The following CSNK1G2 variants were observed in gnomAD, a reference collection of about 807,000 sequenced individuals.
CSNK1G2 encodes the protein casein kinase 1 gamma 2, also known as casein kinase I isoform gamma-2.
In CSNK1G2, 11 loss-of-function variants were observed where a neutral mutation model predicts 48.0. The observed-to-expected ratio is 0.23, with a 90% CI of 0.14 to 0.38. The LOEUF is 0.38. CSNK1G2 is among the 10% of genes least tolerant of loss of function. CSNK1G2 has a pLI of 1.00. For missense variants in CSNK1G2, 446 were observed against 595.5 expected (o/e 0.75, Z 2.61); for synonymous variants, 337 against 254.1 (o/e 1.33, Z -3.10).
Position 1,953,802 on chromosome 19 carries a change from C to T in CSNK1G2, c.-266+12384C>T, listed in dbSNP as rs773406416. The stretch of plus-strand genomic sequence containing the variant: ...CCCCGCATCAGGGTCCGGTCCTGGC[C>T]GCTGTACCGCGATCACCTGTGGCCC... On this transcript the variant is annotated intron_variant, in intron 1 of 11. Coordinates refer to ENST00000255641, the MANE Select transcript of CSNK1G2 (RefSeq NM_001319.7). 4 of 508,074 alleles carry T rather than the reference C, an allele frequency of 7.9e-6. No homozygotes were observed. In the Middle Eastern group the frequency reaches 9.9e-4, roughly 126 times the overall value. The allele number at this position is 508,074 out of a possible 1,614,324, so 31.5% of individuals were successfully genotyped here.
rs185126878 is a variant in CSNK1G2 at position 1,951,603 on chromosome 19, G to C, written c.-266+10185G>C. Among the ~76,000 whole-genome samples the C allele has an allele frequency of 3.6e-3, 522 of 145,094 alleles. 77 individuals are homozygous for C. Among genetic ancestry groups the C allele is most frequent in the African/African-American group, 0.013 (493 of 37,732 alleles). Reference sequence around the variant, plus strand: ...CAGCCTCCCGATGGGCCAGGATGGGGGATGCTTGGGTGCCCTCAGGATGTG... The same window carrying C: ...CAGCCTCCCGATGGGCCAGGATGGGCGATGCTTGGGTGCCCTCAGGATGTG... On this transcript the variant is annotated intron_variant, in intron 1 of 11. Transcript: ENST00000255641.
In CSNK1G2 at chr19:1,978,507, C is replaced by T. The variant is rs2015840270; in HGVS notation, c.294C>T (p.Ala98=). ...LEYRFYKQLS[A]TEGVPQVYYF... ...ACCGGTTCTACAAGCAGCTCAGCGC[C>T]ACAGGTACCGGGCGGCCCGCGGGTG... Residue 98 remains alanine (A), a synonymous_variant, in exon 4 of 12, where the codon GCC becomes GCT. Coordinates refer to ENST00000255641, the MANE Select transcript of CSNK1G2 (RefSeq NM_001319.7). This position sits in a 1 kb window ranked among gnomAD's most constrained non-coding sequence, Gnocchi z 7.3. The T allele has an allele frequency of 3.8e-6, 6 of 1,588,518 alleles. No individual in the cohort carries two copies. The highest frequency in any genetic ancestry group is 1.3e-5 in the African/African-American group (1 of 74,372).
chr19:1,968,514 T>C (rs143406610), intron 1 of CSNK1G2, among the ~76,000 whole-genome samples: 176 of 152,294 alleles, frequency 1.2e-3, no homozygotes, highest in Non-Finnish European at 2.0e-3. Context: ...CCCTCAGCCA[T>C]GAGCCCCTGT....
rs1400125010 is a variant in CSNK1G2 at position 1,950,925 on chromosome 19, G to A, written c.-266+9507G>A. On this transcript the variant is annotated intron_variant, in intron 1 of 11. Transcript: ENST00000255641. Reference sequence around the variant, plus strand: ...TTTTCGGTGAGCTGGGCGTTTATTCGCCTTGGTGCCCCCCTAGATCCCTGG... The same window carrying A: ...TTTTCGGTGAGCTGGGCGTTTATTCACCTTGGTGCCCCCCTAGATCCCTGG... 6.2e-5 allele frequency among the ~76,000 whole-genome samples: 9 copies of A among 146,190 alleles called. 2 individuals carry two copies. The highest frequency in any genetic ancestry group is 4.2e-4 in the East Asian group (2 of 4,766).
At chr19:1,975,872 G>A (rs2015735600) in intron 2 of CSNK1G2, 12 of 770,588 alleles carry the variant, frequency 1.6e-5, no homozygotes, top group Admixed American at 6.3e-5. Flanking sequence ...CCCATCTCTA[G>A]TAAAAATACA....
Position 1,969,972 on chromosome 19 carries a change from T to C in CSNK1G2, c.187+13T>C, listed in dbSNP as rs767172036. The C allele has an allele frequency of 2.1e-5, 28 of 1,302,644 alleles. No homozygotes were observed. The Middle Eastern group carries it at 1.1e-3, about 49-fold the overall frequency. 80.7% of individuals were successfully genotyped at this position (1,302,644 alleles called of 1,614,324 possible). A position where few individuals can be genotyped will look rare whatever the true frequency, so the allele number is the denominator to read the frequency against. On this transcript the variant is annotated intron_variant, in intron 2 of 11. Coordinates refer to ENST00000255641, the MANE Select transcript of CSNK1G2 (RefSeq NM_001319.7). ...GAGCTCCGCCTAGGTGAGGCCCTGC[T>C]CGGTGGTAGGTGGGGTCGGGAGGCT...
chr19:1,954,212 G>A (rs2014897058), intron 1 of CSNK1G2: 2 of 355,674 alleles, frequency 5.6e-6, no homozygotes, highest in South Asian at 4.2e-5. Flanking sequence ...TGTGGAGGGC[G>A]CCCTTCCGTC....
intron 2 of CSNK1G2, among the ~76,000 whole-genome samples, chr19:1,976,392 A>G (rs1174560450): frequency 6.6e-6 from 1 of 152,200 alleles, no homozygotes; most frequent in African/African-American, 2.4e-5. Flanking sequence ...CTGCACCCTC[A>G]AGATGCCACG....
At chr19:1,941,861 C>G (rs1395015029) in intron 1 of CSNK1G2, among the ~76,000 whole-genome samples, 3 of 150,436 alleles carry the variant, frequency 2.0e-5, no homozygotes, top group African/African-American at 7.3e-5. Context: ...CACCCCACCT[C>G]CCGCCTTCTT....
chr19:1,979,967 C>G lies in CSNK1G2; in HGVS notation c.1143C>G (p.Ser381=). The G allele has an allele frequency of 6.3e-7, 1 of 1,594,508 alleles. No homozygotes were observed. Among genetic ancestry groups the G allele is most frequent in the Non-Finnish European group, 8.5e-7 (1 of 1,169,612 alleles). ...CGGACGACCCCACGGCCGGCCACTC[C>G]AACGCCCCGATCACAGCGCCTGCAG... ...LNADDPTAGH[S]NAPITAPAEV... Residue 381 remains serine (S), a synonymous_variant, in exon 11 of 12, where the codon TCC becomes TCG. Transcript: ENST00000255641.
chr19:1,956,676 C>A (rs1341308466), intron 1 of CSNK1G2, among the ~76,000 whole-genome samples: 1 of 152,160 alleles, frequency 6.6e-6, no homozygotes, highest in Non-Finnish European at 1.5e-5. Flanking sequence ...CCAGTCCCAT[C>A]TGGGTAGACT....
intron 2 of CSNK1G2, among the ~76,000 whole-genome samples, chr19:1,976,715 C>G (rs549340089): frequency 6.6e-6 from 1 of 151,184 alleles, no homozygotes; most frequent in Non-Finnish European, 1.5e-5. Flanking sequence ...CAGGGCGGAA[C>G]AAAGTGGAGG....
Position 1,951,122 on chromosome 19 carries a change from C to T in CSNK1G2, c.-266+9704C>T, listed in dbSNP as rs558437506. Reference sequence around the variant, plus strand: ...GCTGGTTTATAAAAATCAAAGATGGCCAGGCACGGTGGCTCACGCCTGTAA... The same window carrying T: ...GCTGGTTTATAAAAATCAAAGATGGTCAGGCACGGTGGCTCACGCCTGTAA... On this transcript the variant is annotated intron_variant, in intron 1 of 11. Transcript: ENST00000255641. 1.3e-3 allele frequency among the ~76,000 whole-genome samples: 186 copies of T among 145,474 alleles called. 20 individuals are homozygous for T. Among genetic ancestry groups the T allele is most frequent in the African/African-American group, 4.2e-3 (159 of 37,912 alleles).
At position 1,950,834 on chromosome 19, in the gene CSNK1G2, C is replaced by T. The variant is rs149341872; in HGVS notation, c.-266+9416C>T. On this transcript the variant is annotated intron_variant, in intron 1 of 11. Coordinates refer to ENST00000255641, the MANE Select transcript of CSNK1G2 (RefSeq NM_001319.7). ...TGGGGCATCCAGGAGGGAGGGGCTG[C>T]GGGAGTTTTGCTGGAGACCCTCCAG... Among the ~76,000 whole-genome samples, 8 of 146,618 alleles carry T rather than the reference C, an allele frequency of 5.5e-5. 1 individual carries two copies. Among genetic ancestry groups the T allele is most frequent in the South Asian group, 2.2e-4 (1 of 4,546 alleles).
At chr19:1,976,063 A>G (rs995938803) in intron 2 of CSNK1G2, 1 of 1,289,280 alleles carries the variant, frequency 7.8e-7, no homozygotes, top group Non-Finnish European at 1.0e-6. Flanking sequence ...AAATCCCTCT[A>G]AAAATAAAAT....
chr19:1,970,064 G>A (rs2015513490), intron 2 of CSNK1G2, 105 bp downstream of exon 2: 10 of 946,486 alleles, frequency 1.1e-5, no homozygotes, highest in Non-Finnish European at 1.4e-5. Flanking sequence ...GGAGCCTCTG[G>A]CGGGGCCGCC....
Position 1,957,121 on chromosome 19 carries a change from C to T in CSNK1G2, c.-265-12387C>T, listed in dbSNP as rs1181929941. On this transcript the variant is annotated intron_variant, in intron 1 of 11. Transcript: ENST00000255641. The surrounding 1 kb of genome is among the most constrained non-coding windows in gnomAD (Gnocchi z 5.4). The stretch of plus-strand genomic sequence containing the variant: ...GGCGGGATTGGGCCTCTGGGGTCCC[C>T]GGCTGTGGAGAGGGCAAGGCAGGGG... 2.6e-5 allele frequency among the ~76,000 whole-genome samples: 4 copies of T among 152,104 alleles called. No homozygotes were observed. The highest frequency in any genetic ancestry group is 5.9e-5 in the Non-Finnish European group (4 of 68,006).
At position 1,980,181 on chromosome 19, in the gene CSNK1G2, A is replaced by G; in HGVS notation, c.1226A>G (p.Lys409Arg). The G allele has an allele frequency of 6.2e-7, 1 of 1,612,910 alleles. No homozygotes were observed. Among genetic ancestry groups the G allele is most frequent in the Non-Finnish European group, 8.5e-7 (1 of 1,179,842 alleles). ...CCCFFKRRKRKSLQRHK is the reference protein window; with the variant it reads ...CCCFFKRRKRRSLQRHK ...TGTTTCTTCAAGAGGAGAAAGAGAA[A>G]ATCGCTGCAGCGACACAAGTGACCC... The change falls in exon 12 of 12, where the codon AAA becomes AGA. Residue 409 changes from lysine to arginine, a missense_variant. By Grantham distance (26) the Lys-to-Arg change is conservative. This residue lies in a region of CSNK1G2 where 188 missense variants were observed against 179.6 expected (regional missense o/e 1.05). Coordinates refer to ENST00000255641, the MANE Select transcript of CSNK1G2 (RefSeq NM_001319.7).
At position 1,980,419 on chromosome 19, in the gene CSNK1G2, C is replaced by CTG; in HGVS notation, c.*220_*221dup. On this transcript the variant is annotated 3_prime_UTR_variant, in exon 12 of 12. Coordinates refer to ENST00000255641, the MANE Select transcript of CSNK1G2 (RefSeq NM_001319.7). ...AAGACTTTGGCCGAAATTTCTACACCTGTGTCTAGTCCTCCCCTCCAAGAG... is the reference window on the plus strand; with the variant it reads ...AAGACTTTGGCCGAAATTTCTACACCTGTGTGTCTAGTCCTCCCCTCCAAGAG... The CTG allele has an allele frequency of 1.6e-6, 1 of 631,636 alleles. No homozygotes were observed. Among genetic ancestry groups the CTG allele is most frequent in the South Asian group, 1.8e-5 (1 of 55,828 alleles). The allele number at this position is 631,636 out of a possible 1,614,324, so 39.1% of individuals were successfully genotyped here. A position where few individuals can be genotyped will look rare whatever the true frequency, so the allele number is the denominator to read the frequency against.
Sources: gnomAD v4.1 joint callset for allele counts (sites outside exome capture counted in the v4.1 genomes callset) on GRCh38, gnomAD v4.1.1 for gene constraint, gnomAD v4.1.1 regional missense constraint, Gnocchi (gnomAD v3.1) non-coding constraint, MANE v1.5 for transcripts, NCBI Gene and HGNC (gene_info 2026-07-23, HGNC 2026-07-21) for gene names.